The following SLC9A9 variants were observed in gnomAD, a reference collection of about 807,000 sequenced individuals.
SLC9A9 encodes sodium/hydrogen exchanger 9.
Under a neutral mutation model 77.8 loss-of-function variants are expected in SLC9A9, and 62 were observed. The observed-to-expected ratio is 0.80, with a 90% CI of 0.65 to 0.98. The LOEUF (loss-of-function observed/expected upper bound fraction) is 0.98. Ranked by LOEUF, SLC9A9 falls within the 50% of genes least tolerant of loss-of-function variation. The probability of loss-of-function intolerance (pLI) is 0.00; values close to 1 mark genes in which losing one functional copy is unlikely to be tolerated. For missense variants in SLC9A9, 775 were observed against 774.9 expected, an observed-to-expected ratio of 1.00 and a Z score of 0.00; for synonymous variants, 320 against 283.5, an observed-to-expected ratio of 1.13 and a Z score of -1.29.
chr3:143,353,783 A>G (rs1467476260), intron 14 of SLC9A9, among the ~76,000 whole-genome samples: 1 of 152,128 alleles, frequency 6.6e-6, no homozygotes, highest in Admixed American at 6.5e-5. Flanking sequence ...AGGGAAGAAG[A>G]ATTAAAATTC....
chr3:143,566,204 A>G (rs146491265), intron 8 of SLC9A9, among the ~76,000 whole-genome samples: 73 of 152,182 alleles, frequency 4.8e-4, no homozygotes, highest in African/African-American at 1.6e-3. Flanking sequence ...CTCACTGCTT[A>G]CTCTACAAAA....
intron 4 of SLC9A9, among the ~76,000 whole-genome samples, chr3:143,727,063 C>T (rs1419833755): frequency 6.6e-6 from 1 of 151,974 alleles, no homozygotes; most frequent in Non-Finnish European, 1.5e-5. Flanking sequence ...AAAGGAGCCA[C>T]TTCCCTAATG....
intron 12 of SLC9A9, among the ~76,000 whole-genome samples, chr3:143,391,265 C>T (rs555822851): frequency 5.3e-5 from 8 of 152,322 alleles, no homozygotes; most frequent in African/African-American, 1.7e-4. Flanking sequence ...TCCAGAGGAA[C>T]GATCAGGCAG....
At chr3:143,720,611 G>A (rs1934471715) in intron 4 of SLC9A9, among the ~76,000 whole-genome samples, 1 of 152,104 alleles carries the variant, frequency 6.6e-6, no homozygotes, top group African/African-American at 2.4e-5. Context: ...TAGGCCTGTG[G>A]TGTCCTGACA....
chr3:143,526,535 C>A lies in SLC9A9; in HGVS notation c.1089+25827G>T, dbSNP rs560419654. On this transcript the variant is annotated intron_variant, in intron 9 of 15. Coordinates refer to ENST00000316549, the MANE Select transcript of SLC9A9 (RefSeq NM_173653.4). ...TGCCCCTAATTTAAGAGAAGAAAGG[C>A]CCCCTCCTGTCCCCCAAATTGTCCC... Among the ~76,000 whole-genome samples, 6 of 152,228 alleles carry A rather than the reference C, an allele frequency of 3.9e-5. No homozygotes were observed. In the East Asian group the frequency reaches 1.2e-3, roughly 29 times the overall value.
intron 14 of SLC9A9, among the ~76,000 whole-genome samples, chr3:143,310,779 T>A (rs1390390810): frequency 6.6e-6 from 1 of 152,214 alleles, no homozygotes; most frequent in Non-Finnish European, 1.5e-5. Flanking sequence ...ATGGGGCCTC[T>A]CCCATGCTCA....
intron 14 of SLC9A9, among the ~76,000 whole-genome samples, chr3:143,308,348 G>T (rs572661319): frequency 6.6e-6 from 1 of 152,074 alleles, no homozygotes; most frequent in Non-Finnish European, 1.5e-5. Context: ...AGGCCGAGGC[G>T]GGCGGATCAC....
chr3:143,698,856 C>T (rs998285977), intron 4 of SLC9A9, among the ~76,000 whole-genome samples: 9 of 152,184 alleles, frequency 5.9e-5, no homozygotes, highest in Non-Finnish European at 1.0e-4. Context: ...ACGTCCCTGA[C>T]TGAAAAACCT....
At chr3:143,808,681 C>A (rs899529727) in intron 2 of SLC9A9, among the ~76,000 whole-genome samples, 2 of 152,262 alleles carry the variant, frequency 1.3e-5, no homozygotes, top group South Asian at 4.2e-4. Flanking sequence ...ACACTCAGAG[C>A]CAAATTTCCT....
At chr3:143,391,210 C>A (rs2033557594) in intron 12 of SLC9A9, among the ~76,000 whole-genome samples, 1 of 152,226 alleles carries the variant, frequency 6.6e-6, no homozygotes, top group South Asian at 2.1e-4. Flanking sequence ...CCAGTAGGGG[C>A]AGACAGACAC....
In SLC9A9 at chr3:143,382,041, A is replaced by C. The variant is rs773646601; in HGVS notation, c.1524+19T>G. ...ACAATCATATCTCTATATAATGTGC[A>C]TTGGTTTCTTTGACTTGCCTGGTGT... On this transcript the variant is annotated intron_variant, in intron 13 of 15. Coordinates refer to ENST00000316549, the MANE Select transcript of SLC9A9 (RefSeq NM_173653.4). 7 of 1,613,834 alleles carry C rather than the reference A, an allele frequency of 4.3e-6. No individual in the cohort carries two copies. The African/African-American group carries it at 9.3e-5, about 22-fold the overall frequency.
At position 143,268,928 on chromosome 3, in the gene SLC9A9, G is replaced by A. The variant is rs1297654193; in HGVS notation, c.1657C>T (p.Pro553Ser). The A allele has an allele frequency of 2.5e-6, 4 of 1,613,544 alleles. No homozygotes were observed. The highest frequency in any genetic ancestry group is 1.7e-5 in the Admixed American group (1 of 59,984). The change falls in exon 15 of 16, where the codon CCT (proline) becomes TCT (serine). Residue 553 changes from proline (P) to serine (S), a missense_variant. By Grantham distance (74) the Pro-to-Ser change is moderately conservative. Transcript: ENST00000316549. ...CTGGAAATCGGACCACACCATTCAG[G>A]TAATGTTGTAGTCAGCGGAGGACCA... ...HSGPPLTTTL[P>S]EWCGPISRLL...
chr3:143,825,538 T>C (rs775109764), intron 2 of SLC9A9, among the ~76,000 whole-genome samples: 6 of 152,330 alleles, frequency 3.9e-5, no homozygotes, highest in Non-Finnish European at 7.3e-5. Context: ...TTCCTTAAAG[T>C]AGCTCTAAAA....
chr3:143,326,276 C>T (rs2031600148), intron 14 of SLC9A9, among the ~76,000 whole-genome samples: 1 of 152,284 alleles, frequency 6.6e-6, no homozygotes, highest in South Asian at 2.1e-4. Context: ...TGCAATTCTC[C>T]ACACAGCAAC....
intron 6 of SLC9A9, among the ~76,000 whole-genome samples, chr3:143,648,757 C>T (rs2108745606): frequency 6.6e-6 from 1 of 152,242 alleles, no homozygotes; most frequent in Admixed American, 6.5e-5. Flanking sequence ...CATGCTGTAC[C>T]TTTTACTGAC....
intron 8 of SLC9A9, among the ~76,000 whole-genome samples, chr3:143,555,088 T>C (rs753386670): frequency 9.2e-5 from 14 of 152,214 alleles, no homozygotes; most frequent in Admixed American, 2.0e-4. Context: ...CCACATGTTG[T>C]GGGAGGGACC....
In SLC9A9 at chr3:143,656,455, T is replaced by A. The variant is rs373042918; in HGVS notation, c.650-4095A>T. On this transcript the variant is annotated intron_variant, in intron 5 of 15. Coordinates refer to ENST00000316549, the MANE Select transcript of SLC9A9 (RefSeq NM_173653.4). ...TTTGACAATTTTTTTTAAACTGCTG[T>A]CTTTTCAGCTGACCACTTTCTTGAT... Among the ~76,000 whole-genome samples the A allele has an allele frequency of 1.1e-3, 170 of 152,292 alleles. 1 individual carries two copies. The highest frequency in any genetic ancestry group is 3.8e-3 in the African/African-American group (157 of 41,548).
chr3:143,595,972 G>T (rs114795724), intron 6 of SLC9A9, among the ~76,000 whole-genome samples: 3,727 of 152,220 alleles, frequency 0.024, 56 homozygotes, highest in South Asian at 0.044. Flanking sequence ...GGGCTTTGAG[G>T]GGGGAATGTT....
At chr3:143,317,978 T>C (rs934843625) in intron 14 of SLC9A9, among the ~76,000 whole-genome samples, 15 of 152,134 alleles carry the variant, frequency 9.9e-5, no homozygotes, top group Non-Finnish European at 1.9e-4. Context: ...CTGCCCACCT[T>C]GGCCTCCCAA....
Sources: allele counts gnomAD v4.1 joint callset (sites outside exome capture counted in the v4.1 genomes callset), GRCh38; gene constraint gnomAD v4.1.1; transcripts MANE v1.5; gene names NCBI Gene and HGNC (gene_info 2026-07-23, HGNC 2026-07-21).